The following CACNA1A variants were observed in gnomAD, a reference collection of about 807,000 sequenced individuals.
CACNA1A encodes the protein voltage-dependent P/Q-type calcium channel subunit alpha-1A.
Under a neutral mutation model 262.4 loss-of-function variants are expected in CACNA1A, and 57 were observed. The ratio of observed to expected loss-of-function variants is 0.22; its 90% CI spans 0.18 to 0.27. The LOEUF is 0.27. Ranked by LOEUF, CACNA1A falls within the 10% of genes least tolerant of loss-of-function variation. CACNA1A has a pLI of 1.00. For synonymous variants in CACNA1A, 1,431 were observed against 1,419.3 expected (o/e 1.01, Z -0.18); for missense variants, 2,526 against 3,562.8 (o/e 0.71, Z 7.41).
intron 15 of CACNA1A, among the ~76,000 whole-genome samples, chr19:13,304,105 C>T (rs2057848349): frequency 6.6e-6 from 1 of 151,990 alleles, no homozygotes; most frequent in Admixed American, 6.6e-5. Flanking sequence ...GGGCTCTTAG[C>T]CTGGCTTCTA....
intron 1 of CACNA1A, among the ~76,000 whole-genome samples, chr19:13,462,265 T>A (rs1048750024): frequency 6.6e-6 from 1 of 152,170 alleles, no homozygotes; most frequent in African/African-American, 2.4e-5. Context: ...GTCTCCACTA[T>A]GGGGACTGCT....
chr19:13,262,911 C>T lies in CACNA1A; in HGVS notation c.3990-78G>A, dbSNP rs891119497. 4.4e-6 allele frequency: 4 copies of T among 908,788 alleles called. No homozygotes were observed. In the Admixed American group the frequency reaches 7.9e-5, roughly 18 times the overall value. The allele number at this position is 908,788 out of a possible 1,614,324, so 56.3% of individuals were successfully genotyped here. A position where few individuals can be genotyped will look rare whatever the true frequency, so the allele number is the denominator to read the frequency against. Reference sequence around the variant, plus strand: ...GTTGGGTAGGGGGCAGCCCACAGCTCCATGGGACCCTACCCTCCCAGGCCT... The same window carrying T: ...GTTGGGTAGGGGGCAGCCCACAGCTTCATGGGACCCTACCCTCCCAGGCCT... On this transcript the variant is annotated intron_variant, in intron 24 of 46. Transcript: ENST00000360228.
intron 3 of CACNA1A, among the ~76,000 whole-genome samples, chr19:13,433,725 C>T (rs1205970322): frequency 6.6e-6 from 1 of 152,058 alleles, no homozygotes; most frequent in Non-Finnish European, 1.5e-5. Context: ...ACAGCCCTTC[C>T]CTGCATAGCA....
intron 1 of CACNA1A, among the ~76,000 whole-genome samples, chr19:13,475,108 T>C (rs575911615): frequency 6.4e-4 from 97 of 152,336 alleles, no homozygotes; most frequent in African/African-American, 2.3e-3. Context: ...TCCAAACCTA[T>C]TGAGCCCTTA....
chr19:13,285,327 T>C lies in CACNA1A; in HGVS notation c.3554-121A>G. On this transcript the variant is annotated intron_variant, in intron 20 of 46. Coordinates refer to ENST00000360228, the MANE Select transcript of CACNA1A (RefSeq NM_001127222.2). ...ACATTTCTAAAGTGCCTGCTGTATA[T>C]ACCAGGCATCTTATGACATCACTGA... 8 of 1,003,282 alleles carry C rather than the reference T, an allele frequency of 8.0e-6. No homozygotes were observed. In the South Asian group the frequency reaches 9.7e-5, roughly 12 times the overall value. The allele number at this position is 1,003,282 out of a possible 1,614,324, so 62.1% of individuals were successfully genotyped here. A position where few individuals can be genotyped will look rare whatever the true frequency, so the allele number is the denominator to read the frequency against.
In CACNA1A at chr19:13,286,642, C is replaced by G; in HGVS notation, c.3414G>C (p.Lys1138Asn). 1 of 1,536,742 alleles carries G rather than the reference C, an allele frequency of 6.5e-7. No homozygotes were observed. Among genetic ancestry groups the G allele is most frequent in the Non-Finnish European group, 8.8e-7 (1 of 1,142,774 alleles). ...PGNPSNPGPP[K>N]TPENSLIVTN... is the part of the protein sequence containing the mutation. ...TGACGATAAGGCTATTCTCGGGGGT[C>G]TTGGGGGGGCCGGGATTGGATGGGT... Residue 1138 changes from lysine (K) to asparagine (N), a missense_variant, in exon 20 of 47, where the codon AAG becomes AAC. Around this residue, in one of 17 missense-constraint regions of CACNA1A, gnomAD observed 765 missense variants for 748.6 expected, o/e 1.02. Coordinates refer to ENST00000360228, the MANE Select transcript of CACNA1A (RefSeq NM_001127222.2).
chr19:13,450,263 C>T (rs2060891864), intron 3 of CACNA1A: 1 of 151,738 alleles, frequency 6.6e-6, no homozygotes, highest in Admixed American at 6.6e-5. Flanking sequence ...GGTCTTCTTA[C>T]TGTTGATCAA....
intron 3 of CACNA1A, among the ~76,000 whole-genome samples, chr19:13,441,029 C>T (rs936817326): frequency 6.6e-6 from 1 of 152,164 alleles, no homozygotes; most frequent in African/African-American, 2.4e-5. Flanking sequence ...CCCAGAATGG[C>T]CTTGAACTCC....
At position 13,208,935 on chromosome 19, in the gene CACNA1A, G is replaced by A. The variant is rs1032588483; in HGVS notation, c.6601C>T (p.Arg2201Trp). The change falls in exon 46 of 47, where the codon CGG becomes TGG. Residue 2201 changes from arginine to tryptophan, a missense_variant. Physicochemically the swap from Arg to Trp is moderately radical, Grantham distance 101 (BLOSUM62 -3). This residue lies in a region of CACNA1A where 929 missense variants were observed against 868.1 expected (regional missense o/e 1.07). Coordinates refer to ENST00000360228, the MANE Select transcript of CACNA1A (RefSeq NM_001127222.2). ...TGTCGATGCTTCCGATCCTTGGGCC[G>A]GCCCCGCTCCTGGTCCCGCTCCTTC... ...PSKERDQERG[R>W]PKDRKHRQHH... 3.8e-5 allele frequency: 58 copies of A among 1,537,392 alleles called. No homozygotes were observed. The highest frequency in any genetic ancestry group is 5.9e-5 in the Admixed American group (3 of 50,982).
intron 34 of CACNA1A, among the ~76,000 whole-genome samples, chr19:13,233,257 A>G (rs2055736650): frequency 6.6e-6 from 1 of 151,870 alleles, no homozygotes; most frequent in South Asian, 2.1e-4. Context: ...TCCCTTGCCA[A>G]TTTCTCTCAA....
intron 3 of CACNA1A, among the ~76,000 whole-genome samples, chr19:13,417,428 C>T (rs1335554825): frequency 1.3e-5 from 2 of 152,098 alleles, no homozygotes; most frequent in East Asian, 3.9e-4. Flanking sequence ...GGGCTGGCTC[C>T]CCAGATAGAA....
chr19:13,421,626 A>G (rs956832265), intron 3 of CACNA1A, among the ~76,000 whole-genome samples: 2 of 152,150 alleles, frequency 1.3e-5, no homozygotes, highest in African/African-American at 4.8e-5. Flanking sequence ...CTCATGAAAG[A>G]GGTTTCAGAG....
intron 4 of CACNA1A, among the ~76,000 whole-genome samples, chr19:13,367,578 A>C (rs1180940096): frequency 6.6e-6 from 1 of 151,198 alleles, no homozygotes; most frequent in African/African-American, 2.4e-5. Flanking sequence ...ATACAAAAAA[A>C]TTAGCTGGGC....
rs374954726 is a variant in CACNA1A, at chr19:13,212,489, C to T, written c.6084G>A (p.Pro2028=). ...CCTGGGCACGCTGGGTCACCCAGGA[C>T]GGGCTCTCCTTGAGGCCGCTTTCGT... The part of the protein sequence containing the change: ...MAHESGLKES[P]SWVTQRAQEM... Residue 2028 remains proline, a synonymous_variant, in exon 42 of 47, where the codon CCG becomes CCA. Coordinates refer to ENST00000360228, the MANE Select transcript of CACNA1A (RefSeq NM_001127222.2). The surrounding 1 kb of genome is among the most constrained non-coding windows in gnomAD (Gnocchi z 5.6). 75 of 1,590,130 alleles carry T rather than the reference C, an allele frequency of 4.7e-5. No individual in the cohort carries two copies. The African/African-American group carries it at 6.0e-4, about 13-fold the overall frequency.
intron 31 of CACNA1A, among the ~76,000 whole-genome samples, chr19:13,237,696 AAT>A (rs2055920886): frequency 6.6e-6 from 1 of 152,096 alleles, no homozygotes; most frequent in African/African-American, 2.4e-5. Flanking sequence ...GTGCTGTGAG[AAT>A]GTCTCCAGTG....
intron 10 of CACNA1A, among the ~76,000 whole-genome samples, chr19:13,323,638 TG>T (rs2058300030): frequency 6.6e-6 from 1 of 151,942 alleles, no homozygotes. Context: ...GCTGTTGAGT[TG>T]TTTGAGTTCC....
chr19:13,385,299 G>T (rs942815740), intron 3 of CACNA1A, among the ~76,000 whole-genome samples: 1 of 146,440 alleles, frequency 6.8e-6, no homozygotes, highest in African/African-American at 2.6e-5. Flanking sequence ...GCACGATCTC[G>T]GCTTATTGCA....
In CACNA1A at chr19:13,360,265, G is replaced by GTATATA. The variant is rs34849471; in HGVS notation, c.785-472_785-467dup. ...ATTAGGTGTCTGTGTGTGTGTGTGTGTATATATATATATATATATATGAAG... is the reference window on the plus strand; with the variant it reads ...ATTAGGTGTCTGTGTGTGTGTGTGTGTATATATATATATATATATATATATATGAAG... On this transcript the variant is annotated intron_variant, in intron 5 of 46. Transcript: ENST00000360228. Among the ~76,000 whole-genome samples, 678 of 124,200 alleles carry GTATATA rather than the reference G, an allele frequency of 5.5e-3. 20 individuals are homozygous for GTATATA. Among genetic ancestry groups the GTATATA allele is most frequent in the East Asian group, 0.053 (187 of 3,512 alleles). 81.5% of individuals were successfully genotyped at this position (124,200 alleles called of 152,430 possible).
intron 6 of CACNA1A, among the ~76,000 whole-genome samples, chr19:13,336,605 GAGAGAGAGAGAGA>G (rs1568547521): frequency 1.5e-5 from 2 of 131,526 alleles, no homozygotes; most frequent in Non-Finnish European, 3.2e-5. Context: ...GAGAGAGAGA[GAGAGAGAGAGAGA>G]GAGAGAGAGA....
Sources: allele counts gnomAD v4.1 joint callset (sites outside exome capture counted in the v4.1 genomes callset), GRCh38; gene constraint gnomAD v4.1.1; regional missense constraint gnomAD v4.1.1; non-coding constraint Gnocchi (gnomAD v3.1); transcripts MANE v1.5; gene names NCBI Gene and HGNC (gene_info 2026-07-23, HGNC 2026-07-21).